The following KLRB1 variants were observed in gnomAD, a reference collection of about 807,000 sequenced individuals.
KLRB1 encodes killer cell lectin-like receptor subfamily B member 1.
A neutral mutation model predicts 33.5 loss-of-function variants in KLRB1; 27 were observed. That is an observed-to-expected ratio of 0.81 (90% CI 0.59 to 1.11). The LOEUF (loss-of-function observed/expected upper bound fraction) is 1.11, where lower values mean the gene tolerates loss of function less well. Ranked by LOEUF, KLRB1 falls within the 50% of genes most tolerant of loss-of-function variation. KLRB1 has a pLI of 0.00. For synonymous variants in KLRB1, 64 were observed against 88.9 expected (o/e 0.72, Z 1.58); for missense variants, 241 against 254.1 (o/e 0.95, Z 0.35).
intron 1 of KLRB1, among the ~76,000 whole-genome samples, chr12:9,606,758 A>AT (rs1285915836): frequency 6.1e-5 from 4 of 65,910 alleles, no homozygotes; most frequent in African/African-American, 2.8e-4. Context: ...ATATATATAT[A>AT]TATTTTTTTT....
At chr12:9,601,915 T>C (rs748117324) in intron 1 of KLRB1, among the ~76,000 whole-genome samples, 16 of 152,354 alleles carry the variant, frequency 1.1e-4, no homozygotes, top group South Asian at 2.1e-4. Flanking sequence ...TGCCAAGTGC[T>C]ATACAAAAAT....
At chr12:9,607,731 GA>G in intron 1 of KLRB1, 23 bp downstream of exon 1, 4 of 1,505,732 alleles carry the variant, frequency 2.7e-6, no homozygotes, top group Non-Finnish European at 3.7e-6. Flanking sequence ...TACAAATGCC[GA>G]AAGGAAAATT....
At chr12:9,607,310 T>TC (rs1555097731) in intron 1 of KLRB1, among the ~76,000 whole-genome samples, 2 of 141,034 alleles carry the variant, frequency 1.4e-5, no homozygotes, top group Non-Finnish European at 3.1e-5. Context: ...CCTTTCTTTC[T>TC]TTCTTCTTTT....
chr12:9,596,622 A>G (rs1489832850), intron 5 of KLRB1, among the ~76,000 whole-genome samples: 4 of 152,226 alleles, frequency 2.6e-5, no homozygotes, highest in African/African-American at 2.4e-5. Context: ...ATTATCTTAA[A>G]GCATCATCTT....
chr12:9,606,743 TATATATATATATATA>T (rs1864607597), intron 1 of KLRB1, among the ~76,000 whole-genome samples: 3 of 29,566 alleles, frequency 1.0e-4, no homozygotes, highest in African/African-American at 4.6e-4. Context: ...AGTATATATA[TATATATATATATATA>T]TATTTTTTTT....
intron 2 of KLRB1, 128 bp from the exon 3 acceptor site, chr12:9,599,969 T>G (rs1332782037): frequency 3.8e-6 from 2 of 521,758 alleles, no homozygotes; most frequent in Admixed American, 4.4e-5. Context: ...ATAAAAGTAT[T>G]AGCGAAGTGG....
rs1864510970 is a variant in KLRB1 at position 9,598,392 on chromosome 12, C to G, written c.414+107G>C. On this transcript the variant is annotated intron_variant, in intron 4 of 5. Transcript: ENST00000229402. The stretch of plus-strand genomic sequence containing the variant: ...CATGTAGTCATTCAAATTGTGAAGT[C>G]AAAGTCATCACTTCCATTGCATAAA... 11 of 990,810 alleles carry G rather than the reference C, an allele frequency of 1.1e-5. No homozygotes were observed. The South Asian group carries it at 1.5e-4, about 13-fold the overall frequency. The allele number at this position is 990,810 out of a possible 1,614,324, so 61.4% of individuals were successfully genotyped here.
intron 1 of KLRB1, among the ~76,000 whole-genome samples, chr12:9,606,006 C>T (rs971183616): frequency 2.7e-5 from 4 of 150,146 alleles, no homozygotes; most frequent in Admixed American, 1.3e-4. Flanking sequence ...AAGACTTACT[C>T]TTTTCTTTAA....
At chr12:9,598,353 T>C in intron 4 of KLRB1, 146 bp downstream of exon 4, 1 of 731,618 alleles carries the variant, frequency 1.4e-6, no homozygotes, top group South Asian at 1.8e-5. Context: ...TATTTAATTA[T>C]TTGTTTACAT....
chr12:9,607,340 C>CTTCT (rs1565444553), intron 1 of KLRB1, among the ~76,000 whole-genome samples: 2 of 47,978 alleles, frequency 4.2e-5, no homozygotes, highest in African/African-American at 5.5e-5. Context: ...TCTTTCCTTT[C>CTTCT]TTTCTTTCTT....
chr12:9,606,210 T>C (rs773953993), intron 1 of KLRB1: 20 of 152,170 alleles, frequency 1.3e-4, no homozygotes, highest in Middle Eastern at 3.2e-3. Context: ...TGGCATGACA[T>C]GGAATGAATA....
intron 1 of KLRB1, chr12:9,606,335 C>G (rs1864597687): frequency 6.6e-6 from 1 of 152,056 alleles, no homozygotes; most frequent in Non-Finnish European, 1.5e-5. Context: ...TTTCTAGTTT[C>G]TTCCCATCCA....
chr12:9,595,061 G>T lies in KLRB1; in HGVS notation c.*213C>A. The T allele has an allele frequency of 1.9e-6, 1 of 525,108 alleles. No homozygotes were observed. Among genetic ancestry groups the T allele is most frequent in the Non-Finnish European group, 3.4e-6 (1 of 295,500 alleles). 32.5% of individuals were successfully genotyped at this position (525,108 alleles called of 1,614,324 possible). A position where few individuals can be genotyped will look rare whatever the true frequency, so the allele number is the denominator to read the frequency against. On this transcript the variant is annotated 3_prime_UTR_variant, in exon 6 of 6. Coordinates refer to ENST00000229402, the MANE Select transcript of KLRB1 (RefSeq NM_002258.3). The stretch of plus-strand genomic sequence containing the variant: ...TAGAATATCACTGTTTCTTTAAAAC[G>T]ATGCACGTTTTTCTCTATGTCTCTG...
chr12:9,600,663 C>A (rs1441580694), intron 2 of KLRB1, among the ~76,000 whole-genome samples: 1 of 152,136 alleles, frequency 6.6e-6, no homozygotes, highest in East Asian at 1.9e-4. Flanking sequence ...AAGGGCGGTG[C>A]AAGATGTGCT....
intron 3 of KLRB1, among the ~76,000 whole-genome samples, chr12:9,599,178 A>G (rs1864518122): frequency 6.6e-6 from 1 of 152,236 alleles, no homozygotes; most frequent in Non-Finnish European, 1.5e-5. Context: ...TCCAATTGCT[A>G]AACGATGTAT....
At chr12:9,598,444 A>T (rs1032682531) in intron 4 of KLRB1, 55 bp downstream of exon 4, 5 of 1,323,862 alleles carry the variant, frequency 3.8e-6, no homozygotes, top group Non-Finnish European at 4.2e-6. Context: ...ACAGACATTA[A>T]TATGGTTTAA....
Position 9,601,545 on chromosome 12 carries a change from C to T in KLRB1, c.140G>A (p.Gly47Glu). The change falls in exon 2 of 6, where the codon GGG (glycine) becomes GAG (glutamate). Residue 47 changes from glycine (G) to glutamate (E), a missense_variant. Gly to Glu is a moderately conservative substitution (Grantham distance 98, BLOSUM62 -2). Coordinates refer to ENST00000229402, the MANE Select transcript of KLRB1 (RefSeq NM_002258.3). ...HQFALKLSCA[G>E]IILLVLVVTG... ...AACAACCAAGACAAGGAGAATAATCCCAGCACAGCTAAGTTTCAGGGCAAA... is the reference window on the plus strand; with the variant it reads ...AACAACCAAGACAAGGAGAATAATCTCAGCACAGCTAAGTTTCAGGGCAAA... 2 of 1,613,798 alleles carry T rather than the reference C, an allele frequency of 1.2e-6. No homozygotes were observed. Among genetic ancestry groups the T allele is most frequent in the Non-Finnish European group, 1.7e-6 (2 of 1,179,818 alleles).
intron 1 of KLRB1, among the ~76,000 whole-genome samples, chr12:9,607,065 T>G (rs926262057): frequency 6.6e-6 from 1 of 152,068 alleles, no homozygotes; most frequent in Admixed American, 6.6e-5. Flanking sequence ...CACGTTGTAT[T>G]CTGAAAGGAA....
At position 9,595,080 on chromosome 12, in the gene KLRB1, GTC is replaced by G. The variant is rs1201455137; in HGVS notation, c.*192_*193del. On this transcript the variant is annotated 3_prime_UTR_variant, in exon 6 of 6. Coordinates refer to ENST00000229402, the MANE Select transcript of KLRB1 (RefSeq NM_002258.3). Reference sequence around the variant, plus strand: ...TAAAACGATGCACGTTTTTCTCTATGTCTCTGTTTCCTCATTTAATAGAATGA... The same window carrying G: ...TAAAACGATGCACGTTTTTCTCTATGTCTGTTTCCTCATTTAATAGAATGA... The G allele has an allele frequency of 9.0e-6, 5 of 557,512 alleles. No homozygotes were observed. The highest frequency in any genetic ancestry group is 8.8e-5 in the East Asian group (3 of 34,210). 34.5% of individuals were successfully genotyped at this position (557,512 alleles called of 1,614,324 possible).
Sources: gnomAD v4.1 joint callset for allele counts (sites outside exome capture counted in the v4.1 genomes callset) on GRCh38, gnomAD v4.1.1 for gene constraint, MANE v1.5 for transcripts, NCBI Gene and HGNC (gene_info 2026-07-23, HGNC 2026-07-21) for gene names.